KYAT3: variants seen among roughly 807,000 people sequenced by gnomAD.
KYAT3 encodes the protein kynurenine aminotransferase 3.
Under a neutral mutation model 59.0 loss-of-function variants are expected in KYAT3, and 50 were observed. The observed-to-expected ratio is 0.85, with a 90% CI of 0.68 to 1.07. The LOEUF (loss-of-function observed/expected upper bound fraction) is 1.07, where lower values mean the gene tolerates loss of function less well. KYAT3 is among the 50% of genes least tolerant of loss of function. The probability of loss-of-function intolerance (pLI) is 0.00; values close to 1 mark genes in which losing one functional copy is unlikely to be tolerated. For missense variants in KYAT3, 497 were observed against 533.3 expected, an observed-to-expected ratio of 0.93 and a Z score of 0.67; for synonymous variants, 148 against 177.0, an observed-to-expected ratio of 0.84 and a Z score of 1.30.
chr1:88,942,945 T>G, intron 13 of KYAT3, 60 bp downstream of exon 13: 1 of 1,195,424 alleles, frequency 8.4e-7, no homozygotes, highest in Non-Finnish European at 1.2e-6. Flanking sequence ...AAGAAAATAG[T>G]ACTTTAAAAA....
intron 8 of KYAT3, 77 bp from the exon 9 acceptor site, chr1:88,955,302 G>T: frequency 2.4e-6 from 2 of 832,682 alleles, no homozygotes; most frequent in Non-Finnish European, 3.9e-6. Flanking sequence ...ACATAACAAA[G>T]ATACATAAAT....
At chr1:88,982,616 C>G in intron 2 of KYAT3, 1 of 1,548,488 alleles carries the variant, frequency 6.5e-7, no homozygotes, top group South Asian at 1.2e-5. Flanking sequence ...TTTTTTGTTT[C>G]TTTGAACTGG....
At chr1:88,922,136 CAGG>C in the KYAT3 span, among the ~76,000 whole-genome samples, 17 of 152,214 alleles carry the variant, frequency 1.1e-4, no homozygotes, top group Non-Finnish European at 2.4e-4. Flanking sequence ...TGCTTGAACT[CAGG>C]AGGTCAAGAC....
Position 88,955,188 on chromosome 1 carries a change from T to C in KYAT3, c.825A>G (p.Ile275Met). 1 of 1,612,584 alleles carries C rather than the reference T, an allele frequency of 6.2e-7. No homozygotes were observed. Among genetic ancestry groups the C allele is most frequent in the Non-Finnish European group, 8.5e-7 (1 of 1,178,758 alleles). ...FPGMWERTIT[I>M]GSAGKTFSVT... ...CACTGAAAGTCTTTCCAGCACTTCC[T>C]ATTGTTATTGTTCTCTCCCACATAC... Residue 275 changes from isoleucine to methionine, a missense_variant, in exon 9 of 14, where the codon ATA becomes ATG. Transcript: ENST00000260508.
intron 2 of KYAT3, among the ~76,000 whole-genome samples, chr1:88,985,833 CAA>C (rs1484323271): frequency 6.6e-6 from 1 of 152,104 alleles, no homozygotes; most frequent in Non-Finnish European, 1.5e-5. Context: ...CTAAAGGAGG[CAA>C]AGAGATATTG....
chr1:88,923,692 C>A, the KYAT3 span: 1 of 245,618 alleles, frequency 4.1e-6, no homozygotes. Context: ...TGGATAAATT[C>A]TATGAAATGT....
At chr1:88,978,708 G>A (rs1021734702) in intron 2 of KYAT3, among the ~76,000 whole-genome samples, 72 of 149,318 alleles carry the variant, frequency 4.8e-4, no homozygotes, top group Non-Finnish European at 8.8e-4. Flanking sequence ...ATAGAATATT[G>A]CTATGTTGCC....
At chr1:88,988,377 A>G (rs1346286692) in intron 1 of KYAT3, 26 bp from the exon 2 acceptor site, 1 of 1,419,498 alleles carries the variant, frequency 7.0e-7, no homozygotes, top group East Asian at 2.3e-5. Flanking sequence ...AAAATTGAGA[A>G]GAGGAATAAA....
chr1:88,921,415 A>G, the KYAT3 span, among the ~76,000 whole-genome samples: 1 of 152,224 alleles, frequency 6.6e-6, no homozygotes, highest in Non-Finnish European at 1.5e-5. Flanking sequence ...TAGTCAAAGA[A>G]GAAGGTAGAT....
chr1:88,964,638 T>C (rs1676268800), intron 5 of KYAT3, 191 bp downstream of exon 5: 1 of 562,848 alleles, frequency 1.8e-6, no homozygotes. Context: ...CTGGTTGTAG[T>C]TGCACAGAAA....
rs752099183 is a variant in KYAT3, at chr1:88,983,680, T to C, written c.99+4572A>G. 31 of 1,613,738 alleles carry C rather than the reference T, an allele frequency of 1.9e-5. No homozygotes were observed. The South Asian group carries it at 3.2e-4, about 17-fold the overall frequency. On this transcript the variant is annotated intron_variant, in intron 2 of 13. Coordinates refer to ENST00000260508, the MANE Select transcript of KYAT3 (RefSeq NM_001008661.3). ...TTTCAAAGGTGACAAAAGCAAATCC[T>C]CTTGATTTGTTGGTTTCACGGTCTT...
At chr1:88,923,979 G>A in the KYAT3 span, 23 of 161,496 alleles carry the variant, frequency 1.4e-4, no homozygotes, top group South Asian at 8.5e-4. Context: ...AGAATTCAAC[G>A]AAAGACCCAA....
chr1:88,941,674 G>C (rs2101015723), intron 13 of KYAT3, among the ~76,000 whole-genome samples: 1 of 152,206 alleles, frequency 6.6e-6, no homozygotes, highest in East Asian at 1.9e-4. Flanking sequence ...CCTGAATAGT[G>C]AGTACCTCAG....
At position 88,980,424 on chromosome 1, in the gene KYAT3, A is replaced by AT. The variant is rs879210454; in HGVS notation, c.99+7827dup. 3.6e-3 allele frequency: 519 copies of AT among 144,956 alleles called. 2 individuals carry two copies. The highest frequency in any genetic ancestry group is 0.011 in the Middle Eastern group (3 of 276). 9.0% of individuals were successfully genotyped at this position (144,956 alleles called of 1,614,324 possible). A position where few individuals can be genotyped will look rare whatever the true frequency, so the allele number is the denominator to read the frequency against. Reference sequence around the variant, plus strand: ...AACAAAATTATCTCATAGATTTTGGATTTTTTTTTTTTTTGCCATGTTAAA... The same window carrying AT: ...AACAAAATTATCTCATAGATTTTGGATTTTTTTTTTTTTTTGCCATGTTAAA... On this transcript the variant is annotated intron_variant, in intron 2 of 13. Coordinates refer to ENST00000260508, the MANE Select transcript of KYAT3 (RefSeq NM_001008661.3).
chr1:88,975,668 A>C (rs1676756389), intron 2 of KYAT3, among the ~76,000 whole-genome samples: 4 of 152,358 alleles, frequency 2.6e-5, no homozygotes, highest in Admixed American at 6.5e-5. Context: ...TATATATACA[A>C]CACAGAGTCA....
chr1:88,986,734 T>A (rs1289956897), intron 2 of KYAT3, among the ~76,000 whole-genome samples: 1 of 152,162 alleles, frequency 6.6e-6, no homozygotes, highest in Admixed American at 6.5e-5. Context: ...ACATTAAGGA[T>A]GATGTGGATG....
intron 8 of KYAT3, among the ~76,000 whole-genome samples, chr1:88,959,424 T>C (rs1213697119): frequency 6.6e-6 from 1 of 151,646 alleles, no homozygotes; most frequent in African/African-American, 2.4e-5. Flanking sequence ...TAAAAGTAAA[T>C]TAGCCAGGCA....
the KYAT3 span, among the ~76,000 whole-genome samples, chr1:88,925,584 G>A: frequency 3.3e-5 from 5 of 149,888 alleles, no homozygotes; most frequent in East Asian, 2.0e-4. Context: ...TGTGGGACCC[G>A]TTCCCCACCA....
intron 2 of KYAT3, chr1:88,982,093 C>A: frequency 1.0e-6 from 1 of 986,186 alleles, no homozygotes; most frequent in Non-Finnish European, 1.2e-6. Flanking sequence ...GCAAAATGGC[C>A]AGCATTATCC....
Sources: allele counts gnomAD v4.1 joint callset (sites outside exome capture counted in the v4.1 genomes callset), GRCh38; gene constraint gnomAD v4.1.1; transcripts MANE v1.5; gene names NCBI Gene and HGNC (gene_info 2026-07-23, HGNC 2026-07-21).